The following TNFRSF19 variants were observed in gnomAD, a reference collection of about 807,000 sequenced individuals.
TNFRSF19 encodes the protein tumor necrosis factor receptor superfamily member 19.
TNFRSF19 carries 27 observed loss-of-function variants against 46.4 expected under a neutral mutation model. The ratio of observed to expected loss-of-function variants is 0.58; its 90% CI spans 0.43 to 0.80. The LOEUF (loss-of-function observed/expected upper bound fraction) is 0.80. TNFRSF19 is among the 30% of genes least tolerant of loss of function. The probability of loss-of-function intolerance (pLI) is 0.00; values close to 1 mark genes in which losing one functional copy is unlikely to be tolerated. For synonymous variants in TNFRSF19, 204 were observed against 205.0 expected, an observed-to-expected ratio of 1.00 and a Z score of 0.04; for missense variants, 511 against 530.8, an observed-to-expected ratio of 0.96 and a Z score of 0.37.
chr13:23,661,477 A>G (rs960196544), intron 7 of TNFRSF19, among the ~76,000 whole-genome samples: 1 of 152,168 alleles, frequency 6.6e-6, no homozygotes, highest in Non-Finnish European at 1.5e-5. Context: ...TGTCTTTGCT[A>G]TTGTGAATAG....
intron 1 of TNFRSF19, among the ~76,000 whole-genome samples, chr13:23,572,449 A>G (rs1877692442): frequency 1.3e-5 from 2 of 152,218 alleles, no homozygotes; most frequent in Non-Finnish European, 2.9e-5. Context: ...TGGTGCCTAA[A>G]GAAATAGTGT....
intron 1 of TNFRSF19, among the ~76,000 whole-genome samples, chr13:23,576,333 A>T (rs1001361396): frequency 6.6e-6 from 1 of 152,048 alleles, no homozygotes; most frequent in East Asian, 1.9e-4. Flanking sequence ...AGGTTTCGCC[A>T]TGTTAGCCAG....
chr13:23,621,923 C>T (rs1481015558), intron 4 of TNFRSF19, among the ~76,000 whole-genome samples: 1 of 152,012 alleles, frequency 6.6e-6, no homozygotes, highest in African/African-American at 2.4e-5. Flanking sequence ...TGCACTCCAG[C>T]CTGGGTGACA....
At chr13:23,670,800 A>T (rs112644549) in intron 9 of TNFRSF19, among the ~76,000 whole-genome samples, 135 of 152,330 alleles carry the variant, frequency 8.9e-4, no homozygotes, top group South Asian at 7.5e-3. Context: ...GCCTCCCAGC[A>T]GCACTAAATG....
Position 23,646,998 on chromosome 13 carries a change from T to C in TNFRSF19, c.446-12052T>C, listed in dbSNP as rs142975829. 1.5e-3 allele frequency among the ~76,000 whole-genome samples: 232 copies of C among 152,374 alleles called. 1 individual carries two copies. The highest frequency in any genetic ancestry group is 5.3e-3 in the African/African-American group (219 of 41,592). On this transcript the variant is annotated intron_variant, in intron 5 of 9. Coordinates refer to ENST00000248484, the MANE Select transcript of TNFRSF19 (RefSeq NM_148957.4). The stretch of plus-strand genomic sequence containing the variant: ...AGCCATCCTAATGGGTATGAAGTGG[T>C]ATCTCATCATGTCTGGATTTATATT...
rs1951676246 is a variant in TNFRSF19 at position 23,667,968 on chromosome 13, T to A, written c.737-12T>A. On this transcript the variant is annotated splice_polypyrimidine_tract_variant and intron_variant, in intron 7 of 9. Transcript: ENST00000248484. ...GAGGCACTGTGCTTCACACCTGTGC[T>A]GTCTTCCCTAGGGCCGGTGCGCTTG... The A allele has an allele frequency of 6.3e-7, 1 of 1,592,666 alleles. No homozygotes were observed. The highest frequency in any genetic ancestry group is 8.6e-7 in the Non-Finnish European group (1 of 1,169,576).
intron 5 of TNFRSF19, among the ~76,000 whole-genome samples, chr13:23,643,061 C>T (rs563756683): frequency 2.8e-4 from 43 of 152,306 alleles, no homozygotes; most frequent in Admixed American, 2.2e-3. Context: ...GTTGATATTG[C>T]GTTCTTACCT....
chr13:23,577,319 A>G (rs988281441), intron 1 of TNFRSF19, among the ~76,000 whole-genome samples: 1 of 152,252 alleles, frequency 6.6e-6, no homozygotes, highest in African/African-American at 2.4e-5. Context: ...TACTGTCTCT[A>G]AGGACAAAAG....
At chr13:23,661,816 T>A (rs748010974) in intron 7 of TNFRSF19, among the ~76,000 whole-genome samples, 29 of 152,244 alleles carry the variant, frequency 1.9e-4, no homozygotes, top group African/African-American at 6.8e-4. Context: ...TTTTTTCATA[T>A]GCTTGTTGGC....
intron 1 of TNFRSF19, among the ~76,000 whole-genome samples, chr13:23,586,257 C>CAAAAAAAAAAAAAAAAAAAAAAAAAAAA (rs34228080): frequency 1.1e-5 from 1 of 91,952 alleles, no homozygotes; most frequent in African/African-American, 4.4e-5. Flanking sequence ...GACTCCGTCT[C>CAAAAAAAAAAAAAAAAAAAAAAAAAAAA]AAAAAAAAAA....
intron 1 of TNFRSF19, among the ~76,000 whole-genome samples, chr13:23,586,417 A>C (rs867775840): frequency 3.3e-5 from 5 of 152,338 alleles, no homozygotes; most frequent in Middle Eastern, 3.4e-3. Context: ...GGATTCCAGA[A>C]GACCTGTGAC....
intron 5 of TNFRSF19, among the ~76,000 whole-genome samples, chr13:23,631,812 C>T (rs754697375): frequency 4.6e-5 from 7 of 152,150 alleles, no homozygotes; most frequent in Non-Finnish European, 7.3e-5. Context: ...AAGTTGACTT[C>T]AGCTCTTTCC....
intron 1 of TNFRSF19, among the ~76,000 whole-genome samples, chr13:23,578,535 T>C (rs1055254100): frequency 1.3e-5 from 2 of 152,160 alleles, no homozygotes; most frequent in African/African-American, 4.8e-5. Flanking sequence ...CCTTGGGGTA[T>C]AGACAAGAAA....
chr13:23,571,229 C>A (rs980953366), intron 1 of TNFRSF19, among the ~76,000 whole-genome samples: 1 of 152,178 alleles, frequency 6.6e-6, no homozygotes, highest in Non-Finnish European at 1.5e-5. Flanking sequence ...GTCAGTGCAA[C>A]TTTGCTTGTT....
intron 3 of TNFRSF19, among the ~76,000 whole-genome samples, chr13:23,611,230 G>C (rs1052210915): frequency 2.6e-5 from 4 of 152,068 alleles, no homozygotes; most frequent in Admixed American, 6.6e-5. Context: ...CTGGACAGTG[G>C]AACAGCAGAT....
At chr13:23,661,581 T>C (rs942435937) in intron 7 of TNFRSF19, among the ~76,000 whole-genome samples, 4 of 152,184 alleles carry the variant, frequency 2.6e-5, no homozygotes, top group African/African-American at 9.6e-5. Context: ...CTGAGTCAGG[T>C]GGTAGTTCTA....
At chr13:23,646,891 A>T (rs367571542) in intron 5 of TNFRSF19, among the ~76,000 whole-genome samples, 1 of 152,262 alleles carries the variant, frequency 6.6e-6, no homozygotes, top group East Asian at 1.9e-4. Flanking sequence ...TTACGTTCTT[A>T]CCATAATAGT....
At chr13:23,669,143 G>A (rs1224391450) in intron 9 of TNFRSF19, 46 bp downstream of exon 9, 1 of 1,584,018 alleles carries the variant, frequency 6.3e-7, no homozygotes, top group African/African-American at 1.4e-5. Context: ...CTGACTTACA[G>A]TAGATCAGAA....
Position 23,615,895 on chromosome 13 carries a change from C to T in TNFRSF19, c.209C>T (p.Ala70Val). ...TGTGGCTTCGGCTATGGGGAGGATG[C>T]ACAGTGTGTGACGTGCCGGCTGCAC... ...KECGFGYGED[A>V]QCVTCRLHRF... Residue 70 changes from alanine to valine, a missense_variant, in exon 4 of 10, where the codon GCA (alanine) becomes GTA (valine). Physicochemically the swap from Ala to Val is moderately conservative, Grantham distance 64. Around this residue, in one of 3 missense-constraint regions of TNFRSF19, gnomAD observed 121 missense variants for 124.1 expected, o/e 0.98. Transcript: ENST00000248484. The T allele has an allele frequency of 1.9e-6, 3 of 1,611,800 alleles. No homozygotes were observed. The highest frequency in any genetic ancestry group is 2.5e-6 in the Non-Finnish European group (3 of 1,178,598).
Sources: allele counts gnomAD v4.1 joint callset (sites outside exome capture counted in the v4.1 genomes callset), GRCh38; gene constraint gnomAD v4.1.1; regional missense constraint gnomAD v4.1.1; transcripts MANE v1.5; gene names NCBI Gene and HGNC (gene_info 2026-07-23, HGNC 2026-07-21).